LRRC8D: variants seen among roughly 807,000 people sequenced by gnomAD.
LRRC8D encodes leucine rich repeat containing 8 VRAC subunit D.
In LRRC8D, 20 loss-of-function variants were observed where a neutral mutation model predicts 55.8. The ratio of observed to expected loss-of-function variants is 0.36; its 90% CI spans 0.25 to 0.52. The LOEUF is 0.52. LRRC8D is among the 20% of genes least tolerant of loss of function. LRRC8D has a pLI of 0.93. For missense variants in LRRC8D, 651 were observed against 1,030.8 expected (o/e 0.63, Z 5.05); for synonymous variants, 352 against 377.0 (o/e 0.93, Z 0.77).
intron 2 of LRRC8D, among the ~76,000 whole-genome samples, chr1:89,908,556 G>A (rs1311309334): frequency 6.6e-6 from 1 of 152,150 alleles, no homozygotes; most frequent in Non-Finnish European, 1.5e-5. Flanking sequence ...AGCCCTCCTG[G>A]GTGAGCCCAG....
chr1:89,929,952 A>G (rs917890583), intron 2 of LRRC8D: 2 of 152,208 alleles, frequency 1.3e-5, no homozygotes, highest in Non-Finnish European at 2.9e-5. Context: ...TTAGATTCTC[A>G]TAGTAGCATG....
intron 2 of LRRC8D, among the ~76,000 whole-genome samples, chr1:89,869,807 A>G (rs891620337): frequency 6.6e-6 from 1 of 152,230 alleles, no homozygotes; most frequent in Non-Finnish European, 1.5e-5. Flanking sequence ...AATATTCAAC[A>G]TTCTTAAATA....
Position 89,935,492 on chromosome 1 carries a change from C to G in LRRC8D, c.2424C>G (p.Asn808Lys). 6.2e-7 allele frequency: 1 copy of G among 1,614,260 alleles called. No homozygotes were observed. Among genetic ancestry groups the G allele is most frequent in the Non-Finnish European group, 8.5e-7 (1 of 1,180,046 alleles). ...TCACTCAGCTGGAGCTGAAGGGGAA[C>G]TGCTTGGACCGCCTGCCAGCCCAGC... ...SQLTQLELKG[N>K]CLDRLPAQLG... The change falls in exon 3 of 3, where the codon AAC becomes AAG. Residue 808 changes from asparagine to lysine, a missense_variant. Around this residue, in one of 5 missense-constraint regions of LRRC8D, gnomAD observed 338 missense variants for 479.4 expected, o/e 0.71. Coordinates refer to ENST00000337338, the MANE Select transcript of LRRC8D (RefSeq NM_001134479.2).
chr1:89,871,334 G>A (rs1358589439), intron 2 of LRRC8D, among the ~76,000 whole-genome samples: 1 of 152,190 alleles, frequency 6.6e-6, no homozygotes, highest in Non-Finnish European at 1.5e-5. Context: ...ATTACTTGCG[G>A]TTGAATCGGT....
chr1:89,832,959 C>T (rs781018701), intron 1 of LRRC8D, among the ~76,000 whole-genome samples: 4 of 152,170 alleles, frequency 2.6e-5, no homozygotes, highest in Non-Finnish European at 5.9e-5. Context: ...GAAACCAAGG[C>T]TGGCTTCTCT....
chr1:89,899,011 G>C (rs1283963400), intron 2 of LRRC8D, among the ~76,000 whole-genome samples: 1 of 152,140 alleles, frequency 6.6e-6, no homozygotes, highest in African/African-American at 2.4e-5. Flanking sequence ...GTTCCAGTTG[G>C]GCTTTTCATC....
At position 89,845,690 on chromosome 1, in the gene LRRC8D, G is replaced by C. The variant is rs577385958; in HGVS notation, c.-3+1908G>C. On this transcript the variant is annotated intron_variant, in intron 2 of 2. Coordinates refer to ENST00000337338, the MANE Select transcript of LRRC8D (RefSeq NM_001134479.2). Reference sequence around the variant, plus strand: ...AACCTCAAGTGATCTGCCCACCTCAGCCTTCCAAAATACTGGGAGGCCACC... The same window carrying C: ...AACCTCAAGTGATCTGCCCACCTCACCCTTCCAAAATACTGGGAGGCCACC... Among the ~76,000 whole-genome samples the C allele has an allele frequency of 8.5e-5, 13 of 152,168 alleles. No homozygotes were observed. In the South Asian group the frequency reaches 2.5e-3, roughly 29 times the overall value.
In LRRC8D at chr1:89,893,021, T is replaced by G. The variant is rs1662619396; in HGVS notation, c.-2-40046T>G. 2.0e-5 allele frequency among the ~76,000 whole-genome samples: 3 copies of G among 152,240 alleles called. No homozygotes were observed. In the South Asian group the frequency reaches 6.2e-4, roughly 32 times the overall value. On this transcript the variant is annotated intron_variant, in intron 2 of 2. Transcript: ENST00000337338. The stretch of plus-strand genomic sequence containing the variant: ...AATCTATAAACATCTATATGACAGG[T>G]ACTGTCCTAGGTGCTGAGAATAGAG...
intron 2 of LRRC8D, among the ~76,000 whole-genome samples, chr1:89,862,683 G>T (rs1570833716): frequency 6.6e-6 from 1 of 152,180 alleles, no homozygotes; most frequent in South Asian, 2.1e-4. Context: ...CTTGTTCCAG[G>T]TTATACAGCT....
intron 1 of LRRC8D, among the ~76,000 whole-genome samples, chr1:89,835,412 C>G (rs527880934): frequency 1.3e-5 from 2 of 152,336 alleles, no homozygotes; most frequent in East Asian, 1.9e-4. Context: ...AAGTATTAAA[C>G]AGTAATCTCT....
chr1:89,838,344 C>A (rs899786327), intron 1 of LRRC8D, among the ~76,000 whole-genome samples: 6 of 152,116 alleles, frequency 3.9e-5, no homozygotes, highest in Non-Finnish European at 8.8e-5. Context: ...CACTGCACTC[C>A]AGCCTGGGAA....
At chr1:89,860,960 G>A (rs1438852212) in intron 2 of LRRC8D, among the ~76,000 whole-genome samples, 4 of 151,692 alleles carry the variant, frequency 2.6e-5, no homozygotes, top group African/African-American at 7.3e-5. Flanking sequence ...ATAAAGATAG[G>A]TAGAAGTTGC....
chr1:89,935,714 T>A lies in LRRC8D; in HGVS notation c.*69T>A. On this transcript the variant is annotated 3_prime_UTR_variant, in exon 3 of 3. Transcript: ENST00000337338. ...AGATTGCAAGTGCTCACGTACAAGTTATTACAAGATAATGCATTTTAGGAG... is the reference window on the plus strand; with the variant it reads ...AGATTGCAAGTGCTCACGTACAAGTAATTACAAGATAATGCATTTTAGGAG... 7.2e-7 allele frequency: 1 copy of A among 1,393,948 alleles called. No individual in the cohort carries two copies. The highest frequency in any genetic ancestry group is 1.0e-6 in the Non-Finnish European group (1 of 1,004,576). The allele number at this position is 1,393,948 out of a possible 1,614,324, so 86.3% of individuals were successfully genotyped here.
At chr1:89,834,998 G>A (rs1422485174) in intron 1 of LRRC8D, among the ~76,000 whole-genome samples, 1 of 152,242 alleles carries the variant, frequency 6.6e-6, no homozygotes, top group African/African-American at 2.4e-5. Context: ...TTCCATTGAA[G>A]GTTCTTGAGA....
At chr1:89,853,834 G>A (rs1661483970) in intron 2 of LRRC8D, among the ~76,000 whole-genome samples, 1 of 152,128 alleles carries the variant, frequency 6.6e-6, no homozygotes, top group Admixed American at 6.5e-5. Flanking sequence ...TAAGAAGTGG[G>A]GGCATCAAAT....
intron 2 of LRRC8D, among the ~76,000 whole-genome samples, chr1:89,877,996 G>A (rs1024189451): frequency 6.6e-6 from 1 of 152,184 alleles, no homozygotes; most frequent in African/African-American, 2.4e-5. Flanking sequence ...TGTTTGAGAG[G>A]TGCGAGTTCC....
In LRRC8D at chr1:89,935,287, A is replaced by G; in HGVS notation, c.2219A>G (p.Asn740Ser). The part of the protein sequence containing the change: ...KLRCLDVSYN[N>S]ISMIPIEIGL... ...AGATGCTTAGATGTGAGCTACAACA[A>G]CATTTCAATGATTCCAATAGAAATA... The change falls in exon 3 of 3, where the codon AAC (asparagine) becomes AGC (serine). Residue 740 changes from asparagine to serine, a missense_variant. By Grantham distance (46) the Asn-to-Ser change is conservative. Coordinates refer to ENST00000337338, the MANE Select transcript of LRRC8D (RefSeq NM_001134479.2). The G allele has an allele frequency of 1.2e-6, 2 of 1,614,146 alleles. No individual in the cohort carries two copies. Among genetic ancestry groups the G allele is most frequent in the Non-Finnish European group, 1.7e-6 (2 of 1,179,968 alleles).
chr1:89,872,322 C>T (rs759697084), intron 2 of LRRC8D, among the ~76,000 whole-genome samples: 18 of 152,182 alleles, frequency 1.2e-4, no homozygotes, highest in Admixed American at 2.6e-4. Context: ...CATATCCCTT[C>T]CAGGGCAGAC....
rs528217381 is a variant in LRRC8D at position 89,834,406 on chromosome 1, A to G, written c.-147-9232A>G. ...TTTCTGTTCTATTCTTATATCAGCCATGAAGGTTGGTGTCATTGGTGTTCC... is the reference window on the plus strand; with the variant it reads ...TTTCTGTTCTATTCTTATATCAGCCGTGAAGGTTGGTGTCATTGGTGTTCC... On this transcript the variant is annotated intron_variant, in intron 1 of 2. Coordinates refer to ENST00000337338, the MANE Select transcript of LRRC8D (RefSeq NM_001134479.2). Among the ~76,000 whole-genome samples, 8 of 152,318 alleles carry G rather than the reference A, an allele frequency of 5.3e-5. No homozygotes were observed. The South Asian group carries it at 1.0e-3, about 20-fold the overall frequency.
Sources: allele counts gnomAD v4.1 joint callset (sites outside exome capture counted in the v4.1 genomes callset), GRCh38; gene constraint gnomAD v4.1.1; regional missense constraint gnomAD v4.1.1; transcripts MANE v1.5; gene names NCBI Gene and HGNC (gene_info 2026-07-23, HGNC 2026-07-21).